The following NCOR2 variants were observed in gnomAD, a reference collection of about 807,000 sequenced individuals.
NCOR2 encodes the protein nuclear receptor corepressor 2.
A neutral mutation model predicts 262.9 loss-of-function variants in NCOR2; 81 were observed. That is an observed-to-expected ratio of 0.31 (90% confidence interval 0.26 to 0.37). The LOEUF is 0.37. Among genes scored for constraint, NCOR2 ranks in the 10% least tolerant of loss-of-function variants. The pLI is 1.00. For missense variants in NCOR2, 3,385 were observed against 3,621.4 expected (o/e 0.93, Z 1.68); for synonymous variants, 1,659 against 1,559.3 (o/e 1.06, Z -1.51).
At chr12:124,458,132 C>T (rs1371537855) in intron 5 of NCOR2, among the ~76,000 whole-genome samples, 1 of 152,234 alleles carries the variant, frequency 6.6e-6, no homozygotes, top group African/African-American at 2.4e-5. Context: ...TTGGCAAGGA[C>T]TAGGCGGACA....
chr12:124,384,079 G>C (rs2040614033), intron 17 of NCOR2, among the ~76,000 whole-genome samples: 1 of 152,186 alleles, frequency 6.6e-6, no homozygotes, highest in Non-Finnish European at 1.5e-5. Context: ...GGACAGCTGG[G>C]GAGAAAGCAG....
At chr12:124,368,127 T>C (rs537855679) in intron 20 of NCOR2, among the ~76,000 whole-genome samples, 1 of 152,310 alleles carries the variant, frequency 6.6e-6, no homozygotes, top group Non-Finnish European at 1.5e-5. Context: ...TGTGCCTCGG[T>C]TTCTCAATCT....
At chr12:124,453,385 G>A (rs2045664473) in intron 6 of NCOR2, among the ~76,000 whole-genome samples, 1 of 152,200 alleles carries the variant, frequency 6.6e-6, no homozygotes, top group Admixed American at 6.5e-5. Context: ...GGGGTGGTAG[G>A]GGCGGCACCC....
chr12:124,463,331 C>T (rs371442534), intron 5 of NCOR2, among the ~76,000 whole-genome samples: 3 of 152,218 alleles, frequency 2.0e-5, no homozygotes, highest in African/African-American at 4.8e-5. Flanking sequence ...CCGGCCCACC[C>T]GCTGCCTCCA....
chr12:124,438,803 AG>A (rs2044567037), intron 7 of NCOR2, among the ~76,000 whole-genome samples: 1 of 112,770 alleles, frequency 8.9e-6, no homozygotes, highest in East Asian at 2.6e-4. Context: ...AGAGAGAGAG[AG>A]AGAGACGGAG....
intron 38 of NCOR2, chr12:124,336,494 G>C (rs2035917361): frequency 4.8e-6 from 4 of 833,828 alleles, no homozygotes; most frequent in Middle Eastern, 4.1e-4. Flanking sequence ...GTAGTCGTCA[G>C]CGCGTGCAAA....
chr12:124,333,446 ATTT>A (rs1461244253), intron 41 of NCOR2, among the ~76,000 whole-genome samples, 167 bp from the exon 44 acceptor site: 1 of 151,822 alleles, frequency 6.6e-6, no homozygotes, highest in African/African-American at 2.4e-5. Flanking sequence ...TATCGTTATC[ATTT>A]TTATTTTTTT....
rs1218890340 is a variant in NCOR2 at position 124,481,666 on chromosome 12, A to G, written c.411+1930T>C. ...CGTGAGCGGTTGAGAGGGCTGCTGCAGGGAGATGAGGTCAGGGAGGTGACG... is the reference window on the plus strand; with the variant it reads ...CGTGAGCGGTTGAGAGGGCTGCTGCGGGGAGATGAGGTCAGGGAGGTGACG... On this transcript the variant is annotated intron_variant, in intron 3 of 46. Transcript: ENST00000405201. This position sits in a 1 kb window ranked among gnomAD's most constrained non-coding sequence, Gnocchi z 4.6. Among the ~76,000 whole-genome samples the G allele has an allele frequency of 6.6e-6, 1 of 152,170 alleles. No homozygotes were observed. Among genetic ancestry groups the G allele is most frequent in the South Asian group, 2.1e-4 (1 of 4,836 alleles).
intron 16 of NCOR2, among the ~76,000 whole-genome samples, chr12:124,391,083 C>T (rs1196536969): frequency 6.6e-6 from 1 of 152,244 alleles, no homozygotes; most frequent in Non-Finnish European, 1.5e-5. Flanking sequence ...CTCCTCGGCT[C>T]AGGTGCTCTG....
intron 1 of NCOR2, among the ~76,000 whole-genome samples, chr12:124,491,539 T>A (rs2048083304): frequency 6.6e-6 from 1 of 152,152 alleles, no homozygotes; most frequent in African/African-American, 2.4e-5. Flanking sequence ...GTTAAGTAAC[T>A]TGCCCAAGGC....
intron 1 of NCOR2, among the ~76,000 whole-genome samples, chr12:124,556,590 T>C (rs1055243961): frequency 1.1e-4 from 16 of 152,174 alleles, no homozygotes; most frequent in African/African-American, 3.9e-4. Flanking sequence ...CCAGGCGTGG[T>C]GGCTCACGCC....
chr12:124,436,959 G>A (rs904850394), intron 8 of NCOR2, among the ~76,000 whole-genome samples: 2 of 152,062 alleles, frequency 1.3e-5, no homozygotes, highest in South Asian at 2.1e-4. Context: ...GGTGGCGGGC[G>A]CCTGTAATCC....
intron 7 of NCOR2, among the ~76,000 whole-genome samples, chr12:124,445,952 C>A (rs2045140826): frequency 6.6e-6 from 1 of 152,248 alleles, no homozygotes; most frequent in Admixed American, 6.5e-5. Flanking sequence ...TGACTTCCCA[C>A]AGGGACACAC....
upstream of NCOR2, among the ~76,000 whole-genome samples, chr12:124,498,647 C>A (rs1205379280): frequency 1.3e-5 from 2 of 152,182 alleles, no homozygotes; most frequent in African/African-American, 4.8e-5. Context: ...AACCATATGA[C>A]CCACCAATTC....
At chr12:124,337,898 C>T (rs1042894285) in intron 37 of NCOR2, among the ~76,000 whole-genome samples, 3 of 152,214 alleles carry the variant, frequency 2.0e-5, no homozygotes, top group African/African-American at 7.2e-5. Context: ...ACTCTACCTC[C>T]CAGAGCCTCA....
At chr12:124,347,690 G>T in intron 30 of NCOR2, 135 bp downstream of exon 32, 1 of 820,844 alleles carries the variant, frequency 1.2e-6, no homozygotes, top group Non-Finnish European at 2.0e-6. Flanking sequence ...TACTGATCAT[G>T]TACATGTGTG....
intron 38 of NCOR2, chr12:124,336,157 C>G (rs1448674614): frequency 6.1e-6 from 1 of 163,666 alleles, no homozygotes; most frequent in Non-Finnish European, 1.3e-5. Flanking sequence ...GGGGACAGGG[C>G]AAGATGCAAG....
At chr12:124,480,846 T>G (rs1002123286) in intron 3 of NCOR2, among the ~76,000 whole-genome samples, 170 of 11,070 alleles carry the variant, frequency 0.015, no homozygotes, top group Middle Eastern at 0.05. Flanking sequence ...GGGTAGGGGG[T>G]GGGGGAGCAA....
At chr12:124,363,640 C>G in intron 21 of NCOR2, 39 bp downstream of exon 23, 6 of 1,329,330 alleles carry the variant, frequency 4.5e-6, no homozygotes, top group Non-Finnish European at 5.8e-6. Flanking sequence ...AAGTCAAGGT[C>G]AGGGTGGACT....
Sources: allele counts gnomAD v4.1 joint callset (sites outside exome capture counted in the v4.1 genomes callset), GRCh38; gene constraint gnomAD v4.1.1; non-coding constraint Gnocchi (gnomAD v3.1); transcripts MANE v1.5; gene names NCBI Gene and HGNC (gene_info 2026-07-23, HGNC 2026-07-21).